RPSA2: variants seen among roughly 807,000 people sequenced by gnomAD.
The protein encoded by RPSA2 is small ribosomal subunit protein uS2B.
the RPSA2 span, among the ~76,000 whole-genome samples, chr19:23,833,813 T>C: frequency 2.0e-5 from 3 of 152,200 alleles, no homozygotes; most frequent in Middle Eastern, 0.01. Context: ...CAAATATAAA[T>C]AGGGTTGTAA....
the RPSA2 span, among the ~76,000 whole-genome samples, chr19:23,816,238 A>T: frequency 1.3e-5 from 2 of 151,948 alleles, no homozygotes; most frequent in African/African-American, 4.8e-5. Context: ...AACTCAGAAG[A>T]TTCTCTCATT....
At chr19:23,771,953 G>A in the RPSA2 span, among the ~76,000 whole-genome samples, 1 of 152,178 alleles carries the variant, frequency 6.6e-6, no homozygotes, top group African/African-American at 2.4e-5. Context: ...CCGGAAGGGA[G>A]GATTGTGGCA....
the RPSA2 span, among the ~76,000 whole-genome samples, chr19:23,831,163 C>T: frequency 7.9e-4 from 121 of 152,204 alleles, no homozygotes; most frequent in African/African-American, 2.9e-3. Context: ...GCCACCATTT[C>T]TTTCAGCACT....
chr19:23,792,021 C>T, the RPSA2 span, among the ~76,000 whole-genome samples: 2 of 152,022 alleles, frequency 1.3e-5, no homozygotes, highest in Non-Finnish European at 1.5e-5. Flanking sequence ...TGCGCCCTGC[C>T]GACTGATTGT....
chr19:23,790,308 T>A, the RPSA2 span, among the ~76,000 whole-genome samples: 1 of 152,194 alleles, frequency 6.6e-6, no homozygotes, highest in Non-Finnish European at 1.5e-5. Flanking sequence ...GATTTTCTCT[T>A]GAACAATAAT....
chr19:23,851,162 A>G, the RPSA2 span, among the ~76,000 whole-genome samples: 148,912 of 152,228 alleles, frequency 0.98, 72,925 homozygotes, highest in Middle Eastern at 1. Flanking sequence ...ACATATGAAA[A>G]TCTTGCAAAG....
chr19:23,863,728 T>C, the RPSA2 span, among the ~76,000 whole-genome samples: 2 of 152,174 alleles, frequency 1.3e-5, no homozygotes, highest in Non-Finnish European at 2.9e-5. Flanking sequence ...AAGCTGGACA[T>C]ATGAGCCCTT....
chr19:23,830,011 AG>A, the RPSA2 span, among the ~76,000 whole-genome samples: 1 of 149,648 alleles, frequency 6.7e-6, no homozygotes, highest in African/African-American at 2.4e-5. Flanking sequence ...GGGCATATGC[AG>A]TTCCAATATA....
chr19:23,851,923 C>T, the RPSA2 span, among the ~76,000 whole-genome samples: 159 of 152,254 alleles, frequency 1.0e-3, no homozygotes, highest in African/African-American at 3.2e-3. Flanking sequence ...AACTTTGAGC[C>T]GATTTAAATG....
the RPSA2 span, among the ~76,000 whole-genome samples, chr19:23,779,816 T>G: frequency 6.6e-6 from 1 of 152,316 alleles, no homozygotes; most frequent in Non-Finnish European, 1.5e-5. Context: ...GTGACATACT[T>G]CAGGCCCCAG....
chr19:23,763,442 G>C, the RPSA2 span, among the ~76,000 whole-genome samples: 2 of 152,194 alleles, frequency 1.3e-5, no homozygotes, highest in Non-Finnish European at 2.9e-5. Context: ...TGTTTGCGTG[G>C]GAAGAACTGC....
At chr19:23,839,306 G>A in the RPSA2 span, among the ~76,000 whole-genome samples, 148,895 of 152,222 alleles carry the variant, frequency 0.98, 72,914 homozygotes, top group Middle Eastern at 1. Context: ...AGAGTTCTTG[G>A]TATAATGTCA....
chr19:23,770,445 A>T, the RPSA2 span, among the ~76,000 whole-genome samples: 1 of 152,214 alleles, frequency 6.6e-6, no homozygotes, highest in African/African-American at 2.4e-5. Context: ...CACCTAGGTG[A>T]TGTGACCCTT....
chr19:23,766,151 T>C, the RPSA2 span, among the ~76,000 whole-genome samples: 2 of 97,534 alleles, frequency 2.1e-5, no homozygotes, highest in Non-Finnish European at 2.2e-5. Flanking sequence ...TCCTTTTTTT[T>C]TTTTTTTTTT....
chr19:23,759,522 G>GCTTTTTT, the RPSA2 span, among the ~76,000 whole-genome samples: 2 of 89,034 alleles, frequency 2.2e-5, no homozygotes, highest in Non-Finnish European at 4.0e-5. Context: ...TATATATCAG[G>GCTTTTTT]TTTTTTTTTT....
the RPSA2 span, among the ~76,000 whole-genome samples, chr19:23,792,682 T>C: frequency 6.6e-6 from 1 of 150,792 alleles, no homozygotes; most frequent in African/African-American, 2.4e-5. Context: ...GCCCGGCTAA[T>C]TTTTGTATTT....
At chr19:23,823,875 T>A in the RPSA2 span, 1 of 152,202 alleles carries the variant, frequency 6.6e-6, no homozygotes, top group African/African-American at 2.4e-5. Context: ...GCACCTGAGG[T>A]CATGGGTCTC....
At chr19:23,811,885 TTGTC>T in the RPSA2 span, among the ~76,000 whole-genome samples, 14 of 152,116 alleles carry the variant, frequency 9.2e-5, no homozygotes, top group African/African-American at 3.1e-4. Context: ...AAACAAAAAA[TTGTC>T]AGTAGTTTCT....
chr19:23,781,579 T>C, the RPSA2 span, among the ~76,000 whole-genome samples: 1 of 152,116 alleles, frequency 6.6e-6, no homozygotes, highest in South Asian at 2.1e-4. Context: ...CCTCAAGTGA[T>C]CTGCCCACCT....
Sources: allele counts gnomAD v4.1 joint callset (sites outside exome capture counted in the v4.1 genomes callset), GRCh38; gene constraint gnomAD v4.1.1; transcripts MANE v1.5; gene names NCBI Gene and HGNC (gene_info 2026-07-23, HGNC 2026-07-21).